The following ARSD variants were observed in gnomAD, a reference collection of about 807,000 sequenced individuals.
ARSD encodes the protein testis tissue sperm-binding protein Li 39a.
ARSD carries 21 observed loss-of-function variants against 32.6 expected under a neutral mutation model. The ratio of observed to expected loss-of-function variants is 0.64; its 90% CI spans 0.46 to 0.93. The LOEUF is 0.93. Among genes scored for constraint, ARSD ranks in the 40% least tolerant of loss-of-function variants. ARSD has a pLI of 0.00. For missense variants in ARSD, 454 were observed against 520.9 expected (o/e 0.87, Z 1.25); for synonymous variants, 224 against 237.4 (o/e 0.94, Z 0.52).
chrX:2,927,413 C>G (rs769880266), intron 1 of ARSD, among the ~76,000 whole-genome samples: 2 of 110,222 alleles, frequency 1.8e-5, no homozygotes, highest in South Asian at 3.9e-4. Context: ...GTGCCTGCCA[C>G]CACGCCCGGC....
At chrX:2,915,466 T>G in intron 6 of ARSD, 90 bp downstream of exon 6, 1 of 1,144,490 alleles carries the variant, frequency 8.7e-7, no homozygotes. Flanking sequence ...TTATTGCAAG[T>G]TGGTTCATAT....
chrX:2,914,096 C>T, intron 6 of ARSD: 1 of 726,821 alleles, frequency 1.4e-6, no homozygotes, highest in Non-Finnish European at 1.6e-6. Flanking sequence ...TTATAAATTA[C>T]CCAGTCTCAG....
At chrX:2,907,886 G>A (rs5939147) in intron 9 of ARSD, 60,595 of 926,273 alleles carry the variant, frequency 0.065, 2,929 homozygotes, top group East Asian at 0.39. Flanking sequence ...ATTGCAGAGC[G>A]CTCACTGTGG....
chrX:2,925,179 G>A (rs2089070185), intron 2 of ARSD, among the ~76,000 whole-genome samples: 1 of 111,128 alleles, frequency 9.0e-6, no homozygotes, highest in South Asian at 3.8e-4. Flanking sequence ...TGCAATGGCC[G>A]GTGTCCTTAT....
intron 6 of ARSD, chrX:2,914,413 A>C: frequency 9.5e-6 from 3 of 314,146 alleles, no homozygotes; most frequent in Non-Finnish European, 1.2e-5. Context: ...AATTTTTTGT[A>C]GAGATGGGGG....
intron 4 of ARSD, among the ~76,000 whole-genome samples, chrX:2,918,755 AAAT>A (rs1474067066): frequency 1.8e-5 from 2 of 110,614 alleles, no homozygotes; most frequent in Admixed American, 1.9e-4. Context: ...ACAAAAATGA[AAAT>A]AAAAGTAAAA....
chrX:2,913,507 TG>T, intron 6 of ARSD: 2 of 959,180 alleles, frequency 2.1e-6, no homozygotes, highest in Non-Finnish European at 2.7e-6. Context: ...GTTTACACTG[TG>T]AACCAATCCC....
At chrX:2,919,529 C>T (rs2089009671) in intron 4 of ARSD, among the ~76,000 whole-genome samples, 1 of 111,300 alleles carries the variant, frequency 9.0e-6, no homozygotes, top group Non-Finnish European at 1.9e-5. Context: ...AAGGGGCAGG[C>T]CTGAGCTAGT....
At chrX:2,922,182 T>C (rs762927265) in intron 2 of ARSD, among the ~76,000 whole-genome samples, 158 bp from the exon 3 acceptor site, 1 of 110,527 alleles carries the variant, frequency 9.0e-6, no homozygotes, top group African/African-American at 3.3e-5. Context: ...GACCCCATCC[T>C]AAGTTTGGTG....
At chrX:2,911,429 C>T (rs56350490) in intron 6 of ARSD, among the ~76,000 whole-genome samples, 8 of 108,393 alleles carry the variant, frequency 7.4e-5, no homozygotes, top group East Asian at 5.8e-4. Context: ...CCAGCACTTT[C>T]GGAGGCTGAG....
chrX:2,920,453 C>T, intron 4 of ARSD, 148 bp downstream of exon 4: 1 of 828,261 alleles, frequency 1.2e-6, no homozygotes, highest in South Asian at 2.3e-5. Flanking sequence ...TCCCTGCAAC[C>T]TCCGCTTCCC....
chrX:2,922,804 C>T (rs1290909226), intron 2 of ARSD, among the ~76,000 whole-genome samples: 2 of 86,911 alleles, frequency 2.3e-5, no homozygotes, highest in Admixed American at 1.5e-4. Context: ...CACCACTGCA[C>T]TCCAGCCTGG....
At chrX:2,912,123 A>T (rs1396785337) in intron 6 of ARSD, among the ~76,000 whole-genome samples, 1 of 112,046 alleles carries the variant, frequency 8.9e-6, no homozygotes, top group African/African-American at 3.3e-5. Flanking sequence ...TGGGCAACAG[A>T]GTGAGACCCT....
At chrX:2,925,831 G>A in intron 1 of ARSD, 66 bp from the exon 2 acceptor site, 1 of 1,099,211 alleles carries the variant, frequency 9.1e-7, no homozygotes, top group East Asian at 3.1e-5. Flanking sequence ...GGCATTTCAA[G>A]GCAGCTCGCT....
In ARSD at chrX:2,909,983, T is replaced by G. The variant is rs2088889292; in HGVS notation, c.1136-4A>C. The G allele has an allele frequency of 8.3e-7, 1 of 1,210,527 alleles. No individual in the cohort carries two copies. On this transcript the variant is annotated splice_polypyrimidine_tract_variant and splice_region_variant and intron_variant, in intron 7 of 9. Coordinates refer to ENST00000381154, the MANE Select transcript of ARSD (RefSeq NM_001669.4). ...CATCCTCCCATGCCCTTCCCACCTG[T>G]AAGTAGAAGACATCGTTAGGATTTT...
intron 6 of ARSD, among the ~76,000 whole-genome samples, chrX:2,911,264 T>C (rs2088898405): frequency 9.0e-6 from 1 of 110,644 alleles, no homozygotes; most frequent in African/African-American, 3.3e-5. Context: ...TCCCAGCTAC[T>C]TGGGAGGCTG....
At chrX:2,908,578 ATCTC>A (rs1434987647) in intron 9 of ARSD, 139 bp downstream of exon 9, 1 of 380,618 alleles carries the variant, frequency 2.6e-6, no homozygotes, top group African/African-American at 3.5e-5. Context: ...CGGTTTATCT[ATCTC>A]TATTTCTATA....
chrX:2,913,444 C>A (rs1390003974), intron 6 of ARSD: 29 of 708,738 alleles, frequency 4.1e-5, no homozygotes, highest in Non-Finnish European at 4.5e-5. Flanking sequence ...GGTGCCCTGG[C>A]AAAGGAGGGA....
chrX:2,915,819 C>T, intron 5 of ARSD, 127 bp from the exon 6 acceptor site: 2 of 608,122 alleles, frequency 3.3e-6, no homozygotes, highest in Non-Finnish European at 5.0e-6. Flanking sequence ...CTGAGTTCAT[C>T]AGTGGGTGAA....
Sources: gnomAD v4.1 joint callset for allele counts (sites outside exome capture counted in the v4.1 genomes callset) on GRCh38, gnomAD v4.1.1 for gene constraint, MANE v1.5 for transcripts, NCBI Gene and HGNC (gene_info 2026-07-23, HGNC 2026-07-21) for gene names.